FBXO5: variants seen among roughly 807,000 people sequenced by gnomAD.
FBXO5 encodes the protein F-box only protein 5.
In FBXO5, 8 loss-of-function variants were observed where a neutral mutation model predicts 43.3. The observed-to-expected ratio is 0.18, with a 90% CI of 0.11 to 0.33. FBXO5 has a LOEUF of 0.33. FBXO5 is among the 10% of genes least tolerant of loss of function. FBXO5 has a pLI of 1.00. For synonymous variants in FBXO5, 204 were observed against 193.7 expected (o/e 1.05, Z -0.44); for missense variants, 491 against 535.7 (o/e 0.92, Z 0.82).
chr6:152,980,593 G>A (rs971003909), intron 1 of FBXO5, among the ~76,000 whole-genome samples: 1 of 152,188 alleles, frequency 6.6e-6, no homozygotes, highest in South Asian at 2.1e-4. Context: ...AAGGTAAGTA[G>A]AAGCAGAGAG....
At chr6:152,982,730 G>T (rs1031702214) in intron 1 of FBXO5, 127 bp downstream of exon 1, 2 of 593,570 alleles carry the variant, frequency 3.4e-6, no homozygotes, top group Non-Finnish European at 5.3e-6. Context: ...GCCGCCCGAG[G>T]CCGGGCGTGT....
At chr6:152,982,063 A>G (rs1220062891) in intron 1 of FBXO5, among the ~76,000 whole-genome samples, 2 of 152,230 alleles carry the variant, frequency 1.3e-5, no homozygotes, top group Non-Finnish European at 2.9e-5. Context: ...TCGTAGTAAA[A>G]ATTGCTTTTT....
Position 152,972,373 on chromosome 6 carries a change from A to G in FBXO5, c.991T>C (p.Ser331Pro). ...FRTPLASVQK[S>P]AAQTSLKKDA... ...TTTTTGAGAGAAGTCTGGGCTGCTG[A>G]TTTCTGAACAGAAGCCAGTGGGGTT... is the stretch of plus-strand genomic sequence containing the variant. Residue 331 changes from serine to proline, a missense_variant, in exon 4 of 5, where the codon TCA (serine) becomes CCA (proline). Coordinates refer to ENST00000229758, the MANE Select transcript of FBXO5 (RefSeq NM_012177.5). 1 of 1,612,876 alleles carries G rather than the reference A, an allele frequency of 6.2e-7. No individual in the cohort carries two copies. The highest frequency in any genetic ancestry group is 8.5e-7 in the Non-Finnish European group (1 of 1,179,188).
intron 3 of FBXO5, 73 bp downstream of exon 3, chr6:152,972,971 CCT>C: frequency 1.7e-6 from 2 of 1,189,094 alleles, no homozygotes; most frequent in Non-Finnish European, 2.5e-6. Context: ...TTCCAGATTA[CCT>C]CTTTTCTTTT....
intron 1 of FBXO5, among the ~76,000 whole-genome samples, chr6:152,979,350 G>C (rs565620339): frequency 6.6e-6 from 1 of 152,148 alleles, no homozygotes; most frequent in African/African-American, 2.4e-5. Context: ...TTATTTTGTA[G>C]CCTGTTCCAC....
At chr6:152,982,801 C>G in intron 1 of FBXO5, 56 bp downstream of exon 1, 4 of 1,256,558 alleles carry the variant, frequency 3.2e-6, no homozygotes, top group Non-Finnish European at 4.2e-6. Flanking sequence ...CTGCGACCCT[C>G]CCCGTGCACC....
At position 152,982,828 on chromosome 6, in the gene FBXO5, C is replaced by T. The variant is rs1046775091; in HGVS notation, c.103+29G>A. On this transcript the variant is annotated intron_variant, in intron 1 of 4. Coordinates refer to ENST00000229758, the MANE Select transcript of FBXO5 (RefSeq NM_012177.5). ...CCGTGCACCCCTCCTGGCGTGCGCG[C>T]CCCCCTCGCGACCGCTCCCCTCACT... The T allele has an allele frequency of 7.6e-6, 11 of 1,441,478 alleles. No homozygotes were observed. In the African/African-American group the frequency reaches 8.9e-5, roughly 12 times the overall value. 89.3% of individuals were successfully genotyped at this position (1,441,478 alleles called of 1,614,324 possible).
At chr6:152,973,279 C>A (rs890887060) in intron 2 of FBXO5, 143 bp from the exon 3 acceptor site, 7 of 637,004 alleles carry the variant, frequency 1.1e-5, no homozygotes, top group Non-Finnish European at 1.6e-5. Context: ...AATTGCCTGG[C>A]GGTTTTAACT....
rs1778078411 is a variant in FBXO5 at position 152,971,082 on chromosome 6, C to A, written c.*81G>T. 7.1e-7 allele frequency: 1 copy of A among 1,402,962 alleles called. No homozygotes were observed. Among genetic ancestry groups the A allele is most frequent in the Non-Finnish European group, 9.5e-7 (1 of 1,048,944 alleles). The allele number at this position is 1,402,962 out of a possible 1,614,324, so 86.9% of individuals were successfully genotyped here. On this transcript the variant is annotated 3_prime_UTR_variant, in exon 5 of 5. Coordinates refer to ENST00000229758, the MANE Select transcript of FBXO5 (RefSeq NM_012177.5). The stretch of plus-strand genomic sequence containing the variant: ...CCGATTTCAACATAAAATTGAAAAT[C>A]ACAATACAATTTTTTTTAAGTTAAA...
chr6:152,983,411 C>T (rs955961597), upstream of FBXO5: 10 of 158,508 alleles, frequency 6.3e-5, no homozygotes, highest in African/African-American at 2.4e-4. Context: ...AAATTCAGCG[C>T]TGGCTTCCAT....
At chr6:152,982,395 T>C (rs1035510642) in intron 1 of FBXO5, among the ~76,000 whole-genome samples, 16 of 151,024 alleles carry the variant, frequency 1.1e-4, no homozygotes, top group African/African-American at 3.2e-4. Flanking sequence ...GGGGCAGATG[T>C]AGAAAAGGGG....
intron 4 of FBXO5, 90 bp from the exon 5 acceptor site, chr6:152,971,504 C>T (rs1778085046): frequency 7.7e-7 from 1 of 1,296,692 alleles, no homozygotes; most frequent in Non-Finnish European, 1.1e-6. Flanking sequence ...TGCACCTTCC[C>T]CAATTCATGT....
chr6:152,972,345 T>C lies in FBXO5; in HGVS notation c.1019A>G (p.Asp340Gly). 1.9e-6 allele frequency: 3 copies of C among 1,613,184 alleles called. No homozygotes were observed. The highest frequency in any genetic ancestry group is 1.7e-6 in the Non-Finnish European group (2 of 1,179,412). The change falls in exon 4 of 5, where the codon GAT becomes GGT. Residue 340 changes from aspartate to glycine, a missense_variant. By Grantham distance (94) the Asp-to-Gly change is moderately conservative (BLOSUM62 -1). Coordinates refer to ENST00000229758, the MANE Select transcript of FBXO5 (RefSeq NM_012177.5). ...TTGATTGGATAACTTGGTTTGAGCA[T>C]CTTTTTTGAGAGAAGTCTGGGCTGC... ...KSAAQTSLKK[D>G]AQTKLSNQGD...
Position 152,972,316 on chromosome 6 carries a change from C to G in FBXO5, c.1048G>C (p.Asp350His). The G allele has an allele frequency of 1.9e-6, 3 of 1,612,518 alleles. No individual in the cohort carries two copies. The highest frequency in any genetic ancestry group is 1.1e-5 in the South Asian group (1 of 90,870). ...CGACTATAAGTAGAACCTTTCTGAT[C>G]ACCTTGATTGGATAACTTGGTTTGA... is the stretch of plus-strand genomic sequence containing the variant. ...DAQTKLSNQGDQKGSTYSRHN... is the reference protein window; with the variant it reads ...DAQTKLSNQGHQKGSTYSRHN... Residue 350 changes from aspartate to histidine, a missense_variant, in exon 4 of 5, where the codon GAT becomes CAT. Asp to His is a moderately conservative substitution (Grantham distance 81). Transcript: ENST00000229758.
intron 1 of FBXO5, among the ~76,000 whole-genome samples, chr6:152,976,165 T>A (rs546058630): frequency 6.6e-6 from 1 of 152,292 alleles, no homozygotes; most frequent in South Asian, 2.1e-4. Context: ...GAGGACAAGG[T>A]ATAAGGGTGG....
intron 3 of FBXO5, chr6:152,972,748 G>T (rs1778105815): frequency 4.3e-6 from 2 of 468,460 alleles, no homozygotes; most frequent in African/African-American, 3.9e-5. Flanking sequence ...TTTTCCAGAT[G>T]TTATAAAATA....
intron 1 of FBXO5, among the ~76,000 whole-genome samples, chr6:152,982,216 G>A (rs1413863094): frequency 6.6e-6 from 1 of 152,170 alleles, no homozygotes; most frequent in Non-Finnish European, 1.5e-5. Context: ...TCCATTTGGC[G>A]GGAGTGGGGA....
At chr6:152,980,227 G>C (rs925227263) in intron 1 of FBXO5, among the ~76,000 whole-genome samples, 5 of 152,196 alleles carry the variant, frequency 3.3e-5, no homozygotes, top group Non-Finnish European at 5.9e-5. Flanking sequence ...TGAGGGCTAA[G>C]AGTTCAGTTG....
At position 152,971,264 on chromosome 6, in the gene FBXO5, T is replaced by C. The variant is rs767861865; in HGVS notation, c.1243A>G (p.Thr415Ala). 5.0e-6 allele frequency: 8 copies of C among 1,613,958 alleles called. No individual in the cohort carries two copies. Among genetic ancestry groups the C allele is most frequent in the Non-Finnish European group, 8.5e-7 (1 of 1,179,962 alleles). Reference sequence around the variant, plus strand: ...TTGCCATCTGAACAGTCTTTAGTAGTATGATAATTACAGAGACACTTCGTA... The same window carrying C: ...TTGCCATCTGAACAGTCTTTAGTAGCATGATAATTACAGAGACACTTCGTA... ...YCTKCLCNYH[T>A]TKDCSDGKLL... Residue 415 changes from threonine (T) to alanine (A), a missense_variant, in exon 5 of 5, where the codon ACT (threonine) becomes GCT (alanine). Physicochemically the swap from Thr to Ala is moderately conservative, Grantham distance 58 (BLOSUM62 0). Coordinates refer to ENST00000229758, the MANE Select transcript of FBXO5 (RefSeq NM_012177.5).
Sources: allele counts gnomAD v4.1 joint callset (sites outside exome capture counted in the v4.1 genomes callset), GRCh38; gene constraint gnomAD v4.1.1; transcripts MANE v1.5; gene names NCBI Gene and HGNC (gene_info 2026-07-23, HGNC 2026-07-21).